Variants in MEIS2 observed in about 807,000 individuals in gnomAD.
The protein encoded by MEIS2 is homeobox protein Meis2.
MEIS2 carries 9 observed loss-of-function variants against 58.6 expected under a neutral mutation model. The observed-to-expected ratio is 0.15, with a 90% CI of 0.09 to 0.27. The LOEUF is 0.27. Among genes scored for constraint, MEIS2 ranks in the 10% least tolerant of loss-of-function variants. The pLI is 1.00. For synonymous variants in MEIS2, 221 were observed against 228.4 expected, an observed-to-expected ratio of 0.97 and a Z score of 0.29; for missense variants, 427 against 635.0, an observed-to-expected ratio of 0.67 and a Z score of 3.52.
intron 8 of MEIS2, among the ~76,000 whole-genome samples, chr15:36,968,628 T>A (rs1328728279): frequency 6.6e-6 from 1 of 152,228 alleles, no homozygotes; most frequent in East Asian, 1.9e-4. Context: ...CACAAAATCC[T>A]TGATATGACT....
intron 8 of MEIS2, among the ~76,000 whole-genome samples, chr15:36,964,481 T>C (rs1056931227): frequency 1.3e-5 from 2 of 152,188 alleles, no homozygotes; most frequent in Non-Finnish European, 2.9e-5. Context: ...AGGAGACTAA[T>C]GACAAGGGGA....
chr15:36,912,916 C>T (rs1306953702), intron 9 of MEIS2, among the ~76,000 whole-genome samples: 3 of 151,984 alleles, frequency 2.0e-5, no homozygotes, highest in Non-Finnish European at 1.5e-5. Context: ...GTGTTGTACC[C>T]GTCCCTCAGG....
chr15:37,010,615 G>A (rs998785047), intron 8 of MEIS2, among the ~76,000 whole-genome samples: 5 of 152,190 alleles, frequency 3.3e-5, no homozygotes, highest in Non-Finnish European at 5.9e-5. Flanking sequence ...CTGGGCTCAA[G>A]CAATCCACCC....
At chr15:37,037,381 G>T (rs1300687738) in intron 7 of MEIS2, among the ~76,000 whole-genome samples, 1 of 152,186 alleles carries the variant, frequency 6.6e-6, no homozygotes, top group Non-Finnish European at 1.5e-5. Context: ...GACAGTAACT[G>T]TGTCACTGTT....
At chr15:36,903,809 C>A (rs1278002944) in intron 9 of MEIS2, 1 of 152,134 alleles carries the variant, frequency 6.6e-6, no homozygotes, top group Non-Finnish European at 1.5e-5. Context: ...TTCATGATCA[C>A]CTTTGATTGA....
intron 11 of MEIS2, 135 bp downstream of exon 11, chr15:36,895,016 T>C (rs2056094463): frequency 1.1e-6 from 1 of 927,748 alleles, no homozygotes. Context: ...CCACCCAATG[T>C]AAAGAAAGCA....
At chr15:36,921,083 A>G (rs12594073) in intron 9 of MEIS2, among the ~76,000 whole-genome samples, 24,601 of 152,238 alleles carry the variant, frequency 0.16, 2,794 homozygotes, top group East Asian at 0.41. Flanking sequence ...TTTGTTAATC[A>G]AACATGGCAT....
intron 8 of MEIS2, among the ~76,000 whole-genome samples, chr15:37,025,210 T>TA (rs1413154956): frequency 7.2e-5 from 11 of 152,206 alleles, no homozygotes; most frequent in Non-Finnish European, 1.3e-4. Flanking sequence ...TATGAAAACA[T>TA]TAATAGACAC....
intron 7 of MEIS2, among the ~76,000 whole-genome samples, chr15:37,076,406 TC>T (rs111403914): frequency 9.5e-4 from 144 of 152,114 alleles, no homozygotes; most frequent in Middle Eastern, 3.4e-3. Flanking sequence ...CAAGTACTGT[TC>T]AGCCAAAAAT....
intron 7 of MEIS2, among the ~76,000 whole-genome samples, chr15:37,061,647 C>T (rs1444236525): frequency 3.3e-5 from 5 of 151,996 alleles, no homozygotes; most frequent in Non-Finnish European, 5.9e-5. Flanking sequence ...TCAATACTTG[C>T]CTTTAACACT....
At chr15:37,042,344 A>T (rs1288396646) in intron 7 of MEIS2, among the ~76,000 whole-genome samples, 1 of 152,192 alleles carries the variant, frequency 6.6e-6, no homozygotes, top group East Asian at 1.9e-4. Context: ...TCCTTGTCTT[A>T]TCAGAAAAAC....
intron 8 of MEIS2, among the ~76,000 whole-genome samples, chr15:36,991,914 A>C (rs2060307570): frequency 1.4e-5 from 2 of 144,290 alleles, no homozygotes; most frequent in Middle Eastern, 3.6e-3. Context: ...CAGCCTCCCA[A>C]GTAGCTGGGA....
At chr15:37,076,138 C>T (rs1891377386) in intron 7 of MEIS2, among the ~76,000 whole-genome samples, 1 of 151,580 alleles carries the variant, frequency 6.6e-6, no homozygotes, top group South Asian at 2.1e-4. Context: ...TTTTTAAAGG[C>T]CAAATTAAAA....
intron 8 of MEIS2, among the ~76,000 whole-genome samples, chr15:36,995,589 T>TA (rs1321930606): frequency 2.1e-5 from 3 of 144,364 alleles, no homozygotes; most frequent in African/African-American, 7.5e-5. Context: ...GCAAAGCCAT[T>TA]ACGTTCTTTT....
At position 36,996,825 on chromosome 15, in the gene MEIS2, C is replaced by A. The variant is rs191291130; in HGVS notation, c.900+39989G>T. On this transcript the variant is annotated intron_variant, in intron 8 of 11. Transcript: ENST00000561208. Reference sequence around the variant, plus strand: ...GCATGATTTTGTCCCATTGTCTTCCCAGCTAAAAATAAGAATCACCATTTC... The same window carrying A: ...GCATGATTTTGTCCCATTGTCTTCCAAGCTAAAAATAAGAATCACCATTTC... 3.9e-5 allele frequency among the ~76,000 whole-genome samples: 6 copies of A among 152,290 alleles called. No homozygotes were observed. The East Asian group carries it at 7.7e-4, about 20-fold the overall frequency.
intron 9 of MEIS2, among the ~76,000 whole-genome samples, chr15:36,921,257 GA>G (rs2057495356): frequency 6.6e-6 from 1 of 152,134 alleles, no homozygotes; most frequent in Non-Finnish European, 1.5e-5. Context: ...ATGTGACCCT[GA>G]GGATTACATC....
At chr15:37,041,017 C>A (rs1309708671) in intron 7 of MEIS2, among the ~76,000 whole-genome samples, 1 of 152,164 alleles carries the variant, frequency 6.6e-6, no homozygotes, top group Non-Finnish European at 1.5e-5. Flanking sequence ...TAATTAAAAT[C>A]CTACTTTACT....
At chr15:37,035,534 C>T (rs981081214) in intron 8 of MEIS2, among the ~76,000 whole-genome samples, 1 of 152,142 alleles carries the variant, frequency 6.6e-6, no homozygotes, top group Non-Finnish European at 1.5e-5. Flanking sequence ...CATGTTCTGT[C>T]TAATTCCTCT....
intron 8 of MEIS2, among the ~76,000 whole-genome samples, chr15:37,002,022 C>G (rs528192006): frequency 1.3e-5 from 2 of 152,212 alleles, no homozygotes; most frequent in East Asian, 3.9e-4. Flanking sequence ...TAAACTTTTC[C>G]AAACTAATTG....
Sources: allele counts gnomAD v4.1 joint callset (sites outside exome capture counted in the v4.1 genomes callset), GRCh38; gene constraint gnomAD v4.1.1; transcripts MANE v1.5; gene names NCBI Gene and HGNC (gene_info 2026-07-23, HGNC 2026-07-21).